The following SOX6 variants were observed in gnomAD, a reference collection of about 807,000 sequenced individuals.
SOX6 encodes the protein SRY-box transcription factor 6.
Under a neutral mutation model 97.8 loss-of-function variants are expected in SOX6, and 11 were observed. The ratio of observed to expected loss-of-function variants is 0.11; its 90% CI spans 0.07 to 0.19. SOX6 has a LOEUF of 0.19. Ranked by LOEUF, SOX6 falls within the 10% of genes least tolerant of loss-of-function variation. SOX6 has a pLI of 1.00. For synonymous variants in SOX6, 360 were observed against 371.4 expected (o/e 0.97, Z 0.35); for missense variants, 810 against 1,039.5 (o/e 0.78, Z 3.04).
chr11:16,497,861 G>A (rs550492515), intron 4 of SOX6, among the ~76,000 whole-genome samples: 2 of 152,286 alleles, frequency 1.3e-5, no homozygotes, highest in Admixed American at 6.5e-5. Context: ...TGAAAGTGAC[G>A]GGGAGAAGGG....
intron 6 of SOX6, among the ~76,000 whole-genome samples, chr11:16,140,054 T>C (rs1029676293): frequency 6.6e-6 from 1 of 151,336 alleles, no homozygotes; most frequent in Non-Finnish European, 1.5e-5. Flanking sequence ...CACACACACA[T>C]ACATGCACAC....
chr11:16,463,365 C>G (rs1455357598), intron 1 of SOX6, among the ~76,000 whole-genome samples: 1 of 152,094 alleles, frequency 6.6e-6, no homozygotes, highest in East Asian at 1.9e-4. Context: ...GGTCTCTTCC[C>G]TGACAGAGCT....
intron 9 of SOX6, among the ~76,000 whole-genome samples, chr11:16,076,552 T>TAAA (rs1848357206): frequency 6.6e-6 from 1 of 151,954 alleles, no homozygotes; most frequent in South Asian, 2.1e-4. Context: ...TATAAAGAAA[T>TAAA]ACCTGAGACT....
chr11:16,467,614 A>G (rs1321587798), intron 1 of SOX6, among the ~76,000 whole-genome samples: 1 of 152,222 alleles, frequency 6.6e-6, no homozygotes, highest in East Asian at 1.9e-4. Context: ...AGAGGGGAAC[A>G]ACACACACTG....
At chr11:16,584,073 C>T (rs1266085949) in intron 4 of SOX6, among the ~76,000 whole-genome samples, 1 of 152,004 alleles carries the variant, frequency 6.6e-6, no homozygotes, top group East Asian at 1.9e-4. Flanking sequence ...ATTCTAAGTA[C>T]CTATTAGGTG....
intron 3 of SOX6, among the ~76,000 whole-genome samples, chr11:16,254,408 A>G (rs1853618454): frequency 6.6e-6 from 1 of 152,128 alleles, no homozygotes; most frequent in Admixed American, 6.5e-5. Flanking sequence ...ATGTATAGTT[A>G]TACATAAGAA....
chr11:16,681,706 G>T (rs1421597721), intron 3 of SOX6, among the ~76,000 whole-genome samples: 1 of 152,088 alleles, frequency 6.6e-6, no homozygotes, highest in Non-Finnish European at 1.5e-5. Flanking sequence ...AAAATAGATA[G>T]ACCACTAGCC....
chr11:16,283,380 C>T (rs533606169), intron 3 of SOX6, among the ~76,000 whole-genome samples: 3 of 151,002 alleles, frequency 2.0e-5, no homozygotes, highest in Non-Finnish European at 3.0e-5. Context: ...TTCTTGAATG[C>T]TTTCATAATA....
In SOX6 at chr11:15,969,421, T is replaced by C. The variant is rs1329515477; in HGVS notation, c.*3388A>G. ...TCTCCTAACTGTAGTGGAAATTTAG[T>C]ATGTCCAATCATCAACTTTCTGTAA... On this transcript the variant is annotated 3_prime_UTR_variant, in exon 16 of 16. Coordinates refer to ENST00000683767, the MANE Select transcript of SOX6 (RefSeq NM_001367873.1). 3 of 152,192 alleles carry C rather than the reference T, an allele frequency of 2.0e-5. No individual in the cohort carries two copies. Among genetic ancestry groups the C allele is most frequent in the Non-Finnish European group, 4.4e-5 (3 of 68,046 alleles). The allele number at this position is 152,192 out of a possible 1,614,324, so 9.4% of individuals were successfully genotyped here. A position where few individuals can be genotyped will look rare whatever the true frequency, so the allele number is the denominator to read the frequency against.
chr11:16,516,222 A>C (rs1204832719), intron 4 of SOX6, among the ~76,000 whole-genome samples: 2 of 151,302 alleles, frequency 1.3e-5, no homozygotes, highest in African/African-American at 2.4e-5. Context: ...CTTTTATTTC[A>C]TTGAGCAGTG....
chr11:16,154,275 AC>A (rs1850539383), intron 6 of SOX6, among the ~76,000 whole-genome samples: 1 of 152,216 alleles, frequency 6.6e-6, no homozygotes, highest in African/African-American at 2.4e-5. Context: ...GCACAATTGG[AC>A]AGTGTAAAGG....
At chr11:16,086,524 C>T (rs1423458287) in intron 9 of SOX6, among the ~76,000 whole-genome samples, 1 of 152,162 alleles carries the variant, frequency 6.6e-6, no homozygotes, top group Non-Finnish European at 1.5e-5. Context: ...GGCGCTCCAT[C>T]CCAGTATGGT....
At chr11:16,410,709 T>C (rs146850396) in intron 1 of SOX6, among the ~76,000 whole-genome samples, 56 of 137,646 alleles carry the variant, frequency 4.1e-4, no homozygotes, top group Non-Finnish European at 6.5e-4. Flanking sequence ...CAGTGAGTCA[T>C]GATCATGCCA....
chr11:16,228,112 C>T (rs890801761), intron 4 of SOX6, among the ~76,000 whole-genome samples: 2 of 151,634 alleles, frequency 1.3e-5, no homozygotes, highest in African/African-American at 4.8e-5. Flanking sequence ...GCAGGAGAAT[C>T]GCTTGAACCC....
At chr11:16,587,627 C>T (rs144794923) in intron 4 of SOX6, among the ~76,000 whole-genome samples, 2 of 152,122 alleles carry the variant, frequency 1.3e-5, no homozygotes, top group Non-Finnish European at 2.9e-5. Context: ...GTGAGAAAAT[C>T]AGAAATCTGT....
chr11:16,203,180 T>C (rs1851985261), intron 4 of SOX6, among the ~76,000 whole-genome samples: 1 of 152,080 alleles, frequency 6.6e-6, no homozygotes, highest in African/African-American at 2.4e-5. Flanking sequence ...TAACTGAATA[T>C]AGGTTTGGTG....
chr11:16,461,178 T>C (rs893972378), intron 1 of SOX6, among the ~76,000 whole-genome samples: 1 of 152,144 alleles, frequency 6.6e-6, no homozygotes, highest in Non-Finnish European at 1.5e-5. Flanking sequence ...AAGAAAGCAA[T>C]AGGAGTCATT....
chr11:16,368,431 G>T (rs10766319), intron 1 of SOX6, among the ~76,000 whole-genome samples: 1 of 151,802 alleles, frequency 6.6e-6, no homozygotes, highest in Non-Finnish European at 1.5e-5. Context: ...GCAGTGAGCC[G>T]CAATCTCACC....
chr11:16,512,389 G>A (rs1294892504), intron 4 of SOX6, among the ~76,000 whole-genome samples: 2 of 152,100 alleles, frequency 1.3e-5, no homozygotes, highest in African/African-American at 4.8e-5. Flanking sequence ...TGCAAAGCTG[G>A]GTTTTCAGTG....
Sources: allele counts gnomAD v4.1 joint callset (sites outside exome capture counted in the v4.1 genomes callset), GRCh38; gene constraint gnomAD v4.1.1; transcripts MANE v1.5; gene names NCBI Gene and HGNC (gene_info 2026-07-23, HGNC 2026-07-21).